ANK3: variants seen among roughly 807,000 people sequenced by gnomAD.
ANK3 encodes ankyrin 3.
ANK3 carries 57 observed loss-of-function variants against 370.9 expected under a neutral mutation model. The observed-to-expected ratio is 0.15, with a 90% CI of 0.12 to 0.19. The LOEUF is 0.19. Among genes scored for constraint, ANK3 ranks in the 10% least tolerant of loss-of-function variants. ANK3 has a pLI of 1.00. For missense variants in ANK3, 4,439 were observed against 5,302.1 expected (o/e 0.84, Z 5.06); for synonymous variants, 1,929 against 1,946.3 (o/e 0.99, Z 0.23).
chr10:60,574,263 A>C (rs1449379233), intron 2 of ANK3, among the ~76,000 whole-genome samples: 1 of 152,184 alleles, frequency 6.6e-6, no homozygotes, highest in African/African-American at 2.4e-5. Context: ...CCCAGGGCTG[A>C]GCAGGCCAAG....
chr10:60,226,257 TGTA>T, intron 8 of ANK3, among the ~76,000 whole-genome samples: 2 of 106,402 alleles, frequency 1.9e-5, no homozygotes, highest in Non-Finnish European at 3.6e-5. Context: ...ATATAGTATA[TGTA>T]ATACTATATA....
chr10:60,419,975 T>C (rs1276144219), intron 2 of ANK3, among the ~76,000 whole-genome samples: 1 of 152,108 alleles, frequency 6.6e-6, no homozygotes, highest in Non-Finnish European at 1.5e-5. Context: ...TGTAGCAAAT[T>C]AGCCAATGAC....
At chr10:60,303,914 T>A (rs968123517) in intron 1 of ANK3, among the ~76,000 whole-genome samples, 6 of 148,856 alleles carry the variant, frequency 4.0e-5, no homozygotes, top group Non-Finnish European at 7.4e-5. Context: ...GTGTGTATAA[T>A]TAAACACTAT....
At chr10:60,178,189 G>T (rs1203294795) in intron 18 of ANK3, among the ~76,000 whole-genome samples, 1 of 152,082 alleles carries the variant, frequency 6.6e-6, no homozygotes, top group African/African-American at 2.4e-5. Context: ...AACATCTTAA[G>T]ACATAATCCC....
chr10:60,302,480 T>C (rs1025126291), intron 1 of ANK3, among the ~76,000 whole-genome samples: 2 of 152,194 alleles, frequency 1.3e-5, no homozygotes, highest in African/African-American at 4.8e-5. Flanking sequence ...CAAGGCACTA[T>C]ATTAATTTCT....
chr10:60,417,880 A>G (rs2063700827), intron 2 of ANK3, among the ~76,000 whole-genome samples: 3 of 152,180 alleles, frequency 2.0e-5, no homozygotes, highest in African/African-American at 7.2e-5. Context: ...ATCACTCAAA[A>G]TAAAACATTT....
At chr10:60,307,685 G>A (rs920083607) in intron 1 of ANK3, among the ~76,000 whole-genome samples, 2 of 152,010 alleles carry the variant, frequency 1.3e-5, no homozygotes. Flanking sequence ...CATGAACCTA[G>A]AATGTTGTGT....
intron 5 of ANK3, among the ~76,000 whole-genome samples, chr10:60,268,219 C>T (rs1199118146): frequency 6.6e-6 from 1 of 152,130 alleles, no homozygotes; most frequent in Admixed American, 6.5e-5. Context: ...TCCTAACTAG[C>T]TTTAAGAATA....
intron 1 of ANK3, among the ~76,000 whole-genome samples, chr10:60,623,745 G>T (rs1365173198): frequency 6.6e-6 from 1 of 152,148 alleles, no homozygotes; most frequent in African/African-American, 2.4e-5. Context: ...AGAGAGGTCT[G>T]GTCTTCACTC....
intron 28 of ANK3, among the ~76,000 whole-genome samples, chr10:60,103,006 A>G (rs879900129): frequency 3.3e-5 from 5 of 151,934 alleles, no homozygotes; most frequent in Non-Finnish European, 7.4e-5. Flanking sequence ...GCTGGAGTGC[A>G]GTGGCGCGAT....
rs2095807336 is a variant in ANK3 at position 60,172,112 on chromosome 10, T to C, written c.2478+196A>G. On this transcript the variant is annotated intron_variant, in intron 21 of 43. Transcript: ENST00000280772. ...GCTACAGATGCATCTTTTAAATAGG[T>C]ATTCTTAGTGTTTTAAACTTTTATT... is the stretch of plus-strand genomic sequence containing the variant. Among the ~76,000 whole-genome samples, 3 of 152,222 alleles carry C rather than the reference T, an allele frequency of 2.0e-5. No homozygotes were observed. In the South Asian group the frequency reaches 6.2e-4, roughly 31 times the overall value.
chr10:60,093,861 A>C (rs1311388997), intron 28 of ANK3, among the ~76,000 whole-genome samples: 2 of 152,196 alleles, frequency 1.3e-5, no homozygotes, highest in African/African-American at 4.8e-5. Context: ...CTCCACATTC[A>C]AATTCTGACA....
intron 2 of ANK3, among the ~76,000 whole-genome samples, chr10:60,526,503 T>G (rs2076474390): frequency 6.6e-6 from 1 of 152,094 alleles, no homozygotes; most frequent in Non-Finnish European, 1.5e-5. Context: ...ATGTCAGGAG[T>G]GATTATTCCA....
At chr10:60,459,451 G>A (rs1428665407) in intron 2 of ANK3, among the ~76,000 whole-genome samples, 1 of 152,184 alleles carries the variant, frequency 6.6e-6, no homozygotes, top group Non-Finnish European at 1.5e-5. Flanking sequence ...GACATTGTCA[G>A]ATACCTGTTG....
intron 1 of ANK3, among the ~76,000 whole-genome samples, chr10:60,339,837 A>G (rs1250696395): frequency 6.6e-6 from 1 of 152,204 alleles, no homozygotes; most frequent in African/African-American, 2.4e-5. Context: ...TAGAATTTAC[A>G]ACGCGCTTGC....
chr10:60,465,179 C>G (rs746133467), intron 2 of ANK3, among the ~76,000 whole-genome samples: 42 of 151,786 alleles, frequency 2.8e-4, no homozygotes, highest in Admixed American at 9.9e-4. Context: ...ATCACCTGAA[C>G]CTGAGAATTT....
intron 1 of ANK3, among the ~76,000 whole-genome samples, chr10:60,377,100 A>C (rs961922255): frequency 6.6e-6 from 1 of 152,204 alleles, no homozygotes; most frequent in Non-Finnish European, 1.5e-5. Flanking sequence ...GACAGAGCTA[A>C]GTAAATATAC....
At chr10:60,489,205 G>A (rs191380958) in intron 2 of ANK3, among the ~76,000 whole-genome samples, 14 of 152,252 alleles carry the variant, frequency 9.2e-5, no homozygotes, top group Admixed American at 9.2e-4. Flanking sequence ...CCTGTGCCAA[G>A]ATAGCTTCTC....
chr10:60,440,988 C>G (rs79738223), intron 2 of ANK3, among the ~76,000 whole-genome samples: 2,611 of 152,302 alleles, frequency 0.017, 34 homozygotes, highest in Non-Finnish European at 0.027. Flanking sequence ...ATGGCACTCA[C>G]TCTGGAGACA....
Sources: allele counts gnomAD v4.1 joint callset (sites outside exome capture counted in the v4.1 genomes callset), GRCh38; gene constraint gnomAD v4.1.1; transcripts MANE v1.5; gene names NCBI Gene and HGNC (gene_info 2026-07-23, HGNC 2026-07-21).